Variants in SIDT1 observed in about 807,000 individuals in gnomAD.
SIDT1 encodes SID1 transmembrane family member 1.
A neutral mutation model predicts 107.5 loss-of-function variants in SIDT1; 101 were observed. The ratio of observed to expected loss-of-function variants is 0.94; its 90% CI spans 0.80 to 1.11. The LOEUF (loss-of-function observed/expected upper bound fraction) is 1.11. Ranked by LOEUF, SIDT1 falls within the 50% of genes least tolerant of loss-of-function variation. The pLI, the probability that SIDT1 is intolerant of heterozygous loss-of-function variation, is 0.00. For missense variants in SIDT1, 1,076 were observed against 1,058.2 expected (o/e 1.02, Z -0.23); for synonymous variants, 395 against 398.2 (o/e 0.99, Z 0.10).
At chr3:113,542,925 TG>T (rs2107606347) in intron 1 of SIDT1, among the ~76,000 whole-genome samples, 1 of 151,418 alleles carries the variant, frequency 6.6e-6, no homozygotes, top group Non-Finnish European at 1.5e-5. Flanking sequence ...TGTGTGTGTG[TG>T]TGTGTGTGTG....
intron 13 of SIDT1, 25 bp downstream of exon 13, chr3:113,604,058 T>C (rs1052755048): frequency 2.0e-6 from 3 of 1,484,964 alleles, no homozygotes; most frequent in Non-Finnish European, 2.8e-6. Context: ...AGTAGGACCA[T>C]GGTTCCCTTA....
rs77980148 is a variant in SIDT1, at chr3:113,566,709, G to A, written c.344+168G>A. Among the ~76,000 whole-genome samples the A allele has an allele frequency of 4.3e-3, 649 of 152,148 alleles. 3 individuals carry two copies. Among genetic ancestry groups the A allele is most frequent in the African/African-American group, 0.014 (595 of 41,506 alleles). On this transcript the variant is annotated intron_variant, in intron 2 of 24. Transcript: ENST00000264852. ...TCATGGTGCATGCCCTGACCTGTTCGCTCTGTTCAATTATTAGATGAGCAC... is the reference window on the plus strand; with the variant it reads ...TCATGGTGCATGCCCTGACCTGTTCACTCTGTTCAATTATTAGATGAGCAC...
intron 11 of SIDT1, 37 bp from the exon 12 acceptor site, chr3:113,602,968 A>G (rs1945064263): frequency 6.2e-7 from 1 of 1,608,624 alleles, no homozygotes; most frequent in Non-Finnish European, 8.5e-7. Context: ...TAGGCTCTCC[A>G]CGGCTTTTGA....
chr3:113,589,529 C>CTTTTT (rs386397654), intron 9 of SIDT1, among the ~76,000 whole-genome samples: 229 of 116,010 alleles, frequency 2.0e-3, no homozygotes, highest in Non-Finnish European at 2.8e-3. Context: ...ACTTCTCTCC[C>CTTTTT]TTTTTTTTTT....
Position 113,566,402 on chromosome 3 carries a change from T to G in SIDT1, c.223-18T>G, listed in dbSNP as rs766506512. The stretch of plus-strand genomic sequence containing the variant: ...CATGTGCACGTTTTGCATTACCTCT[T>G]TCTACCCTGCCATGCAGGTGACAGC... On this transcript the variant is annotated intron_variant, in intron 1 of 24. Transcript: ENST00000264852. 6.2e-7 allele frequency: 1 copy of G among 1,611,512 alleles called. No individual in the cohort carries two copies. Among genetic ancestry groups the G allele is most frequent in the South Asian group, 1.1e-5 (1 of 90,832 alleles).
intron 4 of SIDT1, among the ~76,000 whole-genome samples, chr3:113,578,462 G>GT (rs1483724063): frequency 7.4e-6 from 1 of 135,218 alleles, no homozygotes; most frequent in African/African-American, 2.9e-5. Context: ...GCGAGACTCT[G>GT]TCTCAAAAAA....
chr3:113,570,227 A>G (rs772479967), intron 3 of SIDT1, among the ~76,000 whole-genome samples: 1 of 152,218 alleles, frequency 6.6e-6, no homozygotes, highest in Non-Finnish European at 1.5e-5. Context: ...TTAAAAATCT[A>G]CTTGTGATAT....
intron 3 of SIDT1, among the ~76,000 whole-genome samples, chr3:113,573,095 G>C (rs1560056352): frequency 1.3e-5 from 2 of 152,000 alleles, no homozygotes; most frequent in South Asian, 2.1e-4. Flanking sequence ...GTAGGACCTG[G>C]TGATTAATCA....
intron 1 of SIDT1, among the ~76,000 whole-genome samples, chr3:113,549,176 A>G (rs907062008): frequency 3.3e-5 from 5 of 152,202 alleles, no homozygotes; most frequent in Non-Finnish European, 5.9e-5. Context: ...TCTGGTTGCT[A>G]TCAATTTTGA....
At chr3:113,632,381 A>G (rs889420477), downstream of SIDT1, among the ~76,000 whole-genome samples, 1 of 152,214 alleles carries the variant, frequency 6.6e-6, no homozygotes, top group Non-Finnish European at 1.5e-5. Flanking sequence ...CATCCCAGAA[A>G]GAAGTGGGTT....
At chr3:113,622,184 G>C (rs1038652300) in intron 21 of SIDT1, among the ~76,000 whole-genome samples, 1 of 152,004 alleles carries the variant, frequency 6.6e-6, no homozygotes, top group Admixed American at 6.6e-5. Context: ...ACTATTTCAG[G>C]CCGGGCGCGG....
intron 10 of SIDT1, among the ~76,000 whole-genome samples, chr3:113,598,324 G>A (rs569048737): frequency 1.3e-5 from 2 of 152,288 alleles, no homozygotes; most frequent in South Asian, 4.1e-4. Context: ...GTTTTTGTTT[G>A]TTCACTTGCT....
chr3:113,613,431 T>C (rs953080319), intron 19 of SIDT1, among the ~76,000 whole-genome samples: 4 of 152,240 alleles, frequency 2.6e-5, no homozygotes, highest in African/African-American at 9.6e-5. Context: ...GGGACCCTCT[T>C]GTCCAGGTCT....
At chr3:113,541,096 G>A (rs567990055) in intron 1 of SIDT1, among the ~76,000 whole-genome samples, 55 of 147,514 alleles carry the variant, frequency 3.7e-4, no homozygotes, top group African/African-American at 1.3e-3. Context: ...CTAACCAACT[G>A]TCAGTCTTAG....
At position 113,607,526 on chromosome 3, in the gene SIDT1, G is replaced by A. The variant is rs192720199; in HGVS notation, c.1478+412G>A. On this transcript the variant is annotated intron_variant, in intron 15 of 24. Coordinates refer to ENST00000264852, the MANE Select transcript of SIDT1 (RefSeq NM_017699.3). The stretch of plus-strand genomic sequence containing the variant: ...CCTCAGCTGCTAAGTAGTGCAGGAC[G>A]CAAACCCAGCCCTGTGGCCTCCCAG... Among the ~76,000 whole-genome samples, 463 of 152,326 alleles carry A rather than the reference G, an allele frequency of 3.0e-3. 4 individuals carry two copies. The highest frequency in any genetic ancestry group is 0.011 in the African/African-American group (441 of 41,568).
chr3:113,557,503 T>G (rs1941005669), intron 1 of SIDT1, among the ~76,000 whole-genome samples: 1 of 151,970 alleles, frequency 6.6e-6, no homozygotes, highest in African/African-American at 2.4e-5. Flanking sequence ...ACACAGAGAA[T>G]AGCATGTGAA....
In SIDT1 at chr3:113,582,151, A is replaced by G. The variant is rs1576844109; in HGVS notation, c.747+707A>G. 2.6e-5 allele frequency among the ~76,000 whole-genome samples: 4 copies of G among 152,348 alleles called. No individual in the cohort carries two copies. The South Asian group carries it at 8.3e-4, about 32-fold the overall frequency. On this transcript the variant is annotated intron_variant, in intron 6 of 24. Transcript: ENST00000264852. Reference sequence around the variant, plus strand: ...ACAGAATGGACAGATTCAAAAGAATATGGACCATATTTGTACAGCAGCTTA... The same window carrying G: ...ACAGAATGGACAGATTCAAAAGAATGTGGACCATATTTGTACAGCAGCTTA...
intron 9 of SIDT1, among the ~76,000 whole-genome samples, chr3:113,587,145 T>C (rs1433903054): frequency 6.6e-6 from 1 of 152,190 alleles, no homozygotes; most frequent in African/African-American, 2.4e-5. Flanking sequence ...CTTGGTTGTA[T>C]GCAAGTTACT....
chr3:113,592,478 C>T (rs180901859), intron 9 of SIDT1, among the ~76,000 whole-genome samples: 112 of 152,268 alleles, frequency 7.4e-4, no homozygotes, highest in African/African-American at 2.6e-3. Context: ...AACTGACAAA[C>T]TTTTCCAAAG....
Sources: allele counts gnomAD v4.1 joint callset (sites outside exome capture counted in the v4.1 genomes callset), GRCh38; gene constraint gnomAD v4.1.1; transcripts MANE v1.5; gene names NCBI Gene and HGNC (gene_info 2026-07-23, HGNC 2026-07-21).